KLRG1: variants seen among roughly 807,000 people sequenced by gnomAD.
KLRG1 encodes killer cell lectin-like receptor subfamily G member 1.
Under a neutral mutation model 21.8 loss-of-function variants are expected in KLRG1, and 16 were observed. The observed-to-expected ratio is 0.73, with a 90% CI of 0.50 to 1.11. The LOEUF (loss-of-function observed/expected upper bound fraction) is 1.11. KLRG1 is among the 50% of genes most tolerant of loss of function. The pLI is 0.00. For missense variants in KLRG1, 173 were observed against 218.3 expected (o/e 0.79, Z 1.31); for synonymous variants, 69 against 75.9 (o/e 0.91, Z 0.47).
the KLRG1 span, among the ~76,000 whole-genome samples, chr12:9,161,346 C>A: frequency 2.2e-4 from 33 of 152,262 alleles, no homozygotes; most frequent in African/African-American, 6.3e-4. Flanking sequence ...GTTATTATTG[C>A]AGTTATTTTA....
the KLRG1 span, chr12:9,163,848 G>C: frequency 1.7e-5 from 26 of 1,547,108 alleles, no homozygotes; most frequent in South Asian, 2.8e-4. Context: ...TCACCTTTAA[G>C]GGCTGCACCT....
chr12:9,014,182 G>A (rs945174501), downstream of KLRG1, among the ~76,000 whole-genome samples: 1 of 152,004 alleles, frequency 6.6e-6, no homozygotes. Context: ...ACAGAGACTG[G>A]GGTAGAAAGT....
intron 1 of KLRG1, among the ~76,000 whole-genome samples, chr12:8,951,281 T>G (rs921751578): frequency 1.3e-5 from 2 of 149,136 alleles, no homozygotes; most frequent in African/African-American, 2.5e-5. Flanking sequence ...AAGACTAGCC[T>G]GGGCAACATA....
At chr12:9,092,272 A>G in the KLRG1 span, among the ~76,000 whole-genome samples, 2 of 152,186 alleles carry the variant, frequency 1.3e-5, no homozygotes, top group Admixed American at 1.3e-4. Flanking sequence ...CAATGTTTAC[A>G]GCTCGTACCT....
At chr12:9,145,161 T>G in the KLRG1 span, among the ~76,000 whole-genome samples, 2 of 152,238 alleles carry the variant, frequency 1.3e-5, no homozygotes, top group Non-Finnish European at 2.9e-5. Flanking sequence ...GTTTACTCAA[T>G]TTGCATTTAA....
chr12:9,194,665 C>A, the KLRG1 span, among the ~76,000 whole-genome samples: 16 of 152,010 alleles, frequency 1.1e-4, no homozygotes, highest in South Asian at 1.0e-3. Context: ...GGGGTTTCAC[C>A]ATGTTAGCCA....
the KLRG1 span, chr12:9,201,395 G>A: frequency 6.8e-7 from 1 of 1,468,050 alleles, no homozygotes; most frequent in Non-Finnish European, 9.4e-7. Flanking sequence ...TCCAGCAAAG[G>A]CTACAATTTC....
the KLRG1 span, chr12:9,107,688 C>A: frequency 6.2e-7 from 1 of 1,603,342 alleles, no homozygotes; most frequent in Non-Finnish European, 8.5e-7. Flanking sequence ...AGACACTGAA[C>A]CTCCCCATTT....
At chr12:8,968,136 T>C (rs2137243292) in intron 1 of KLRG1, among the ~76,000 whole-genome samples, 1 of 152,008 alleles carries the variant, frequency 6.6e-6, no homozygotes, top group Non-Finnish European at 1.5e-5. Context: ...AGATATAAAC[T>C]CAAGTAAAAT....
At chr12:9,181,519 T>C in the KLRG1 span, among the ~76,000 whole-genome samples, 1 of 152,208 alleles carries the variant, frequency 6.6e-6, no homozygotes, top group South Asian at 2.1e-4. Context: ...TAAACATGAC[T>C]ATTACATAAG....
the KLRG1 span, among the ~76,000 whole-genome samples, chr12:9,171,158 AT>A: frequency 6.6e-6 from 1 of 152,240 alleles, no homozygotes; most frequent in Admixed American, 6.5e-5. Context: ...ACAGGCTGCC[AT>A]CTTTGCTGTT....
the KLRG1 span, chr12:9,076,677 G>A: frequency 1.2e-5 from 16 of 1,347,594 alleles, no homozygotes; most frequent in Non-Finnish European, 1.5e-5. Flanking sequence ...GATCACAGGA[G>A]GTAGGAGTGA....
the KLRG1 span, among the ~76,000 whole-genome samples, chr12:9,060,405 A>G: frequency 6.6e-6 from 1 of 152,142 alleles, no homozygotes; most frequent in Non-Finnish European, 1.5e-5. Flanking sequence ...AATAGCCTTT[A>G]CTGTCAGTGT....
chr12:9,027,945 G>T, the KLRG1 span: 2 of 918,918 alleles, frequency 2.2e-6, no homozygotes, highest in Non-Finnish European at 3.6e-6. Context: ...CTCTTGCTTT[G>T]ACAGTGCTTT....
At chr12:9,034,571 G>A in the KLRG1 span, among the ~76,000 whole-genome samples, 1,046 of 151,906 alleles carry the variant, frequency 6.9e-3, 15 homozygotes, top group African/African-American at 0.02. Flanking sequence ...ACAGCCTCCC[G>A]AGTAGCTGGG....
intron 1 of KLRG1, chr12:8,950,375 G>A (rs1946176097): frequency 6.6e-6 from 1 of 152,180 alleles, no homozygotes; most frequent in South Asian, 2.1e-4. Flanking sequence ...AGGAAGAAAC[G>A]AGCAATACGA....
the KLRG1 span, among the ~76,000 whole-genome samples, chr12:9,051,240 C>T: frequency 3.3e-5 from 5 of 151,940 alleles, no homozygotes; most frequent in Non-Finnish European, 5.9e-5. Context: ...CCTCTCTGCT[C>T]AGAGCTTCAG....
intron 3 of KLRG1, among the ~76,000 whole-genome samples, chr12:8,998,000 T>C (rs773675527): frequency 6.6e-6 from 1 of 152,188 alleles, no homozygotes; most frequent in East Asian, 1.9e-4. Flanking sequence ...AAAGTAGAGT[T>C]CAACATCCCC....
At chr12:9,182,877 A>G in the KLRG1 span, among the ~76,000 whole-genome samples, 1 of 152,178 alleles carries the variant, frequency 6.6e-6, no homozygotes, top group African/African-American at 2.4e-5. Context: ...TACATAAAGG[A>G]CAGATACTCT....
Sources: allele counts gnomAD v4.1 joint callset (sites outside exome capture counted in the v4.1 genomes callset), GRCh38; gene constraint gnomAD v4.1.1; transcripts MANE v1.5; gene names NCBI Gene and HGNC (gene_info 2026-07-23, HGNC 2026-07-21).